The following ZRANB3 variants were observed in gnomAD, a reference collection of about 807,000 sequenced individuals.
ZRANB3 encodes the protein DNA annealing helicase and endonuclease ZRANB3.
Under a neutral mutation model 133.8 loss-of-function variants are expected in ZRANB3, and 125 were observed. The observed-to-expected ratio is 0.93, with a 90% CI of 0.81 to 1.08. The LOEUF (loss-of-function observed/expected upper bound fraction) is 1.08. ZRANB3 is among the 50% of genes least tolerant of loss of function. The pLI is 0.00. For synonymous variants in ZRANB3, 387 were observed against 432.7 expected (o/e 0.89, Z 1.31); for missense variants, 1,229 against 1,275.5 (o/e 0.96, Z 0.56).
rs972092112 is a variant in ZRANB3 at position 135,462,376 on chromosome 2, C to T, written c.161+41953G>A. On this transcript the variant is annotated intron_variant, in intron 2 of 20. Coordinates refer to ENST00000264159, the MANE Select transcript of ZRANB3 (RefSeq NM_032143.4). ...GAAATAATCTTTGGCTACAATTCCACGTAACTAAAAAGAGTAGACATATAT... is the reference window on the plus strand; with the variant it reads ...GAAATAATCTTTGGCTACAATTCCATGTAACTAAAAAGAGTAGACATATAT... Among the ~76,000 whole-genome samples the T allele has an allele frequency of 8.5e-5, 13 of 152,138 alleles. 1 individual carries two copies. Among genetic ancestry groups the T allele is most frequent in the African/African-American group, 1.2e-4 (5 of 41,442 alleles).
At chr2:135,447,298 C>T (rs1690065369) in intron 2 of ZRANB3, among the ~76,000 whole-genome samples, 2 of 152,174 alleles carry the variant, frequency 1.3e-5, no homozygotes, top group African/African-American at 4.8e-5. Context: ...CTTGGCCTCC[C>T]AAAGTGTTGG....
chr2:135,437,358 A>G (rs1689590985), intron 2 of ZRANB3, among the ~76,000 whole-genome samples: 2 of 152,246 alleles, frequency 1.3e-5, no homozygotes. Flanking sequence ...GAAGAAAGCC[A>G]AACACAAATG....
At chr2:135,367,256 A>G (rs1403116285) in intron 3 of ZRANB3, among the ~76,000 whole-genome samples, 1 of 152,166 alleles carries the variant, frequency 6.6e-6, no homozygotes, top group African/African-American at 2.4e-5. Context: ...TATAGTGTTT[A>G]AAACTCAGAT....
At chr2:135,349,175 A>G (rs921273578) in intron 5 of ZRANB3, among the ~76,000 whole-genome samples, 3 of 152,188 alleles carry the variant, frequency 2.0e-5, no homozygotes, top group Non-Finnish European at 4.4e-5. Flanking sequence ...GGGCAATGAC[A>G]ATAGCTGTCA....
chr2:135,345,468 C>G (rs75118467), intron 6 of ZRANB3, 82 bp downstream of exon 6: 1 of 691,294 alleles, frequency 1.4e-6, no homozygotes, highest in South Asian at 2.8e-5. Flanking sequence ...GACTCTGTCT[C>G]AAAAAAAAAA....
intron 2 of ZRANB3, among the ~76,000 whole-genome samples, chr2:135,406,698 T>G (rs1688051139): frequency 6.6e-6 from 1 of 152,122 alleles, no homozygotes; most frequent in Non-Finnish European, 1.5e-5. Context: ...ATCCAGCATA[T>G]AAACAGAACC....
Position 135,424,899 on chromosome 2 carries a change from C to G in ZRANB3, c.162-34079G>C, listed in dbSNP as rs1238509733. On this transcript the variant is annotated intron_variant, in intron 2 of 20. Transcript: ENST00000264159. ...GAAAACAGGAGATCCTAAAAGCTTC[C>G]AGAAAAAGGTTTCACACAAAAGGTA... is the stretch of plus-strand genomic sequence containing the variant. Among the ~76,000 whole-genome samples, 2 of 152,000 alleles carry G rather than the reference C, an allele frequency of 1.3e-5. 1 individual carries two copies. Among genetic ancestry groups the G allele is most frequent in the East Asian group, 3.9e-4 (2 of 5,186 alleles).
intron 1 of ZRANB3, chr2:135,530,606 G>A (rs1432339296): frequency 1.3e-5 from 2 of 152,196 alleles, no homozygotes; most frequent in Admixed American, 6.5e-5. Context: ...GACGTTCAAC[G>A]GGACAACGTG....
At chr2:135,463,015 A>T (rs1230439174) in intron 2 of ZRANB3, among the ~76,000 whole-genome samples, 1 of 152,184 alleles carries the variant, frequency 6.6e-6, no homozygotes, top group Non-Finnish European at 1.5e-5. Context: ...ATTTCATGTA[A>T]GTCTGAGATT....
intron 7 of ZRANB3, among the ~76,000 whole-genome samples, chr2:135,314,987 G>C (rs991458579): frequency 6.6e-6 from 1 of 152,038 alleles, no homozygotes; most frequent in African/African-American, 2.4e-5. Flanking sequence ...GACCTCAGGT[G>C]ATCTGCCGAC....
intron 7 of ZRANB3, among the ~76,000 whole-genome samples, chr2:135,314,022 G>A (rs1413805213): frequency 1.3e-5 from 2 of 152,010 alleles, no homozygotes; most frequent in East Asian, 3.9e-4. Context: ...GCGCCACCAC[G>A]CCCAGCTAAT....
At chr2:135,375,980 G>A (rs946707737) in intron 3 of ZRANB3, among the ~76,000 whole-genome samples, 2 of 152,126 alleles carry the variant, frequency 1.3e-5, no homozygotes, top group Non-Finnish European at 2.9e-5. Context: ...TTAAAAATAG[G>A]TTTGCTGCAG....
At chr2:135,462,134 A>G (rs2105017183) in intron 2 of ZRANB3, among the ~76,000 whole-genome samples, 1 of 152,360 alleles carries the variant, frequency 6.6e-6, no homozygotes, top group Middle Eastern at 3.4e-3. Flanking sequence ...ATACACATTC[A>G]TACATATATA....
intron 2 of ZRANB3, among the ~76,000 whole-genome samples, chr2:135,428,380 C>T (rs4954255): frequency 0.11 from 15,264 of 144,774 alleles, 1,030 homozygotes; most frequent in South Asian, 0.32. Context: ...GAGCCAAGAT[C>T]GCGTCATTAC....
chr2:135,275,676 C>T lies in ZRANB3; in HGVS notation c.1046G>A (p.Ser349Asn), dbSNP rs748144352. 8 of 1,608,072 alleles carry T rather than the reference C, an allele frequency of 5.0e-6. No individual in the cohort carries two copies. Among genetic ancestry groups the T allele is most frequent in the Non-Finnish European group, 6.8e-6 (8 of 1,176,810 alleles). Residue 349 changes from serine to asparagine, a missense_variant, in exon 9 of 21, where the codon AGC (serine) becomes AAC (asparagine). Ser to Asn is a conservative substitution (Grantham distance 46, BLOSUM62 1). Coordinates refer to ENST00000264159, the MANE Select transcript of ZRANB3 (RefSeq NM_032143.4). ...LKFLVFAHHL[S>N]MLQACTEAVI... ...TGCTTCTGTGCAAGCTTGGAGCATG[C>T]TTAAATGGTGAGCAAAAACCAGAAA...
chr2:135,340,865 A>C (rs1684619558), intron 6 of ZRANB3, among the ~76,000 whole-genome samples: 1 of 149,724 alleles, frequency 6.7e-6, no homozygotes, highest in East Asian at 1.9e-4. Context: ...CAAAAAAAAC[A>C]GTAAAATCTT....
At chr2:135,525,975 A>C (rs6751186) in intron 1 of ZRANB3, among the ~76,000 whole-genome samples, 10,453 of 152,080 alleles carry the variant, frequency 0.069, 758 homozygotes, top group African/African-American at 0.18. Flanking sequence ...CACTTACATG[A>C]GGTATCTAAA....
At chr2:135,263,077 C>T (rs1161371328) in intron 12 of ZRANB3, among the ~76,000 whole-genome samples, 1 of 152,078 alleles carries the variant, frequency 6.6e-6, no homozygotes, top group African/African-American at 2.4e-5. Context: ...GCTGAAGTTG[C>T]TATCACATTT....
intron 8 of ZRANB3, among the ~76,000 whole-genome samples, chr2:135,276,391 A>T (rs184683340): frequency 9.9e-5 from 15 of 152,228 alleles, no homozygotes; most frequent in Middle Eastern, 3.4e-3. Context: ...GATGAAGACA[A>T]CGGTAGTGAG....
Sources: gnomAD v4.1 joint callset for allele counts (sites outside exome capture counted in the v4.1 genomes callset) on GRCh38, gnomAD v4.1.1 for gene constraint, MANE v1.5 for transcripts, NCBI Gene and HGNC (gene_info 2026-07-23, HGNC 2026-07-21) for gene names.